The following GRID1 variants were observed in gnomAD, a reference collection of about 807,000 sequenced individuals.
GRID1 encodes glutamate ionotropic receptor delta type subunit 1.
Under a neutral mutation model 98.0 loss-of-function variants are expected in GRID1, and 28 were observed. The observed-to-expected ratio is 0.29, with a 90% CI of 0.21 to 0.39. GRID1 has a LOEUF of 0.39. Among genes scored for constraint, GRID1 ranks in the 10% least tolerant of loss-of-function variants. The pLI, the probability that GRID1 is intolerant of heterozygous loss-of-function variation, is 1.00. For missense variants in GRID1, 1,111 were observed against 1,340.5 expected, an observed-to-expected ratio of 0.83 and a Z score of 2.67; for synonymous variants, 553 against 538.5, an observed-to-expected ratio of 1.03 and a Z score of -0.37.
chr10:85,728,209 T>C (rs948156102), intron 9 of GRID1, among the ~76,000 whole-genome samples, 157 bp from the exon 10 acceptor site: 1 of 152,220 alleles, frequency 6.6e-6, no homozygotes, highest in African/African-American at 2.4e-5. Context: ...AAAAGCAGTT[T>C]ATGGACACTC....
chr10:85,693,197 TA>T (rs1841353073), intron 12 of GRID1, among the ~76,000 whole-genome samples: 1 of 152,106 alleles, frequency 6.6e-6, no homozygotes, highest in Admixed American at 6.6e-5. Flanking sequence ...TTGAGAGATT[TA>T]GGGGGTAGAA....
rs754536658 is a variant in GRID1, at chr10:85,916,907, A to G, written c.727-668T>C. On this transcript the variant is annotated intron_variant, in intron 4 of 15. Coordinates refer to ENST00000327946, the MANE Select transcript of GRID1 (RefSeq NM_017551.3). The surrounding 1 kb of genome is among the most constrained non-coding windows in gnomAD (Gnocchi z 4.0). ...TCTGCTAGAATATTTCTTATTGTCT[A>G]TCTCCTCTGCCATTATGTCAAAGGC... Among the ~76,000 whole-genome samples the G allele has an allele frequency of 1.3e-5, 2 of 152,056 alleles. No individual in the cohort carries two copies. Among genetic ancestry groups the G allele is most frequent in the African/African-American group, 2.4e-5 (1 of 41,380 alleles).
chr10:85,771,622 A>G (rs1230309713), intron 8 of GRID1, among the ~76,000 whole-genome samples: 3 of 152,232 alleles, frequency 2.0e-5, no homozygotes, highest in Admixed American at 6.5e-5. Context: ...AAAAGGATAG[A>G]GGAAGATCTA....
At chr10:85,797,900 G>C (rs1004821870) in intron 8 of GRID1, among the ~76,000 whole-genome samples, 3 of 152,182 alleles carry the variant, frequency 2.0e-5, no homozygotes, top group Non-Finnish European at 4.4e-5. Context: ...TGTTGCAAAT[G>C]ACATGATTTC....
chr10:86,104,886 G>A (rs1025696489), intron 4 of GRID1, among the ~76,000 whole-genome samples: 1 of 152,214 alleles, frequency 6.6e-6, no homozygotes, highest in African/African-American at 2.4e-5. Context: ...CAGCGGACAG[G>A]GGGGCAAAAG....
chr10:85,614,095 C>T (rs1257052707), intron 14 of GRID1, among the ~76,000 whole-genome samples: 1 of 152,212 alleles, frequency 6.6e-6, no homozygotes, highest in Non-Finnish European at 1.5e-5. Context: ...CTGGGATTCA[C>T]CAAATTATTC....
chr10:86,239,831 A>G (rs1376331886), intron 2 of GRID1, among the ~76,000 whole-genome samples: 1 of 152,192 alleles, frequency 6.6e-6, no homozygotes, highest in African/African-American at 2.4e-5. Flanking sequence ...TTCTTTATAA[A>G]TTACCCAGTT....
chr10:86,065,207 C>A (rs910792089), intron 4 of GRID1, among the ~76,000 whole-genome samples: 1 of 152,232 alleles, frequency 6.6e-6, no homozygotes, highest in South Asian at 2.1e-4. Flanking sequence ...GGACCAGCAG[C>A]GTCAGCATCA....
chr10:86,177,316 G>A (rs367971961), intron 3 of GRID1, among the ~76,000 whole-genome samples: 48 of 152,252 alleles, frequency 3.2e-4, no homozygotes, highest in East Asian at 2.1e-3. Flanking sequence ...GAGCCACCCC[G>A]TGGGAAAACC....
At chr10:86,289,192 A>T (rs1847476932) in intron 2 of GRID1, among the ~76,000 whole-genome samples, 1 of 152,148 alleles carries the variant, frequency 6.6e-6, no homozygotes, top group South Asian at 2.1e-4. Flanking sequence ...TCAACTCTCA[A>T]ACTGTCTAAT....
At chr10:86,100,824 C>A (rs77325669) in intron 4 of GRID1, among the ~76,000 whole-genome samples, 6,934 of 152,276 alleles carry the variant, frequency 0.046, 189 homozygotes, top group Non-Finnish European at 0.058. Context: ...AGCTGCTGCT[C>A]TTCCAATCTT....
chr10:85,855,667 G>A (rs964893011), intron 7 of GRID1, among the ~76,000 whole-genome samples: 11 of 152,158 alleles, frequency 7.2e-5, no homozygotes, highest in African/African-American at 2.2e-4. Flanking sequence ...CATCACAAGC[G>A]CACATACAGG....
At chr10:85,792,003 G>A (rs1364957507) in intron 8 of GRID1, among the ~76,000 whole-genome samples, 1 of 152,144 alleles carries the variant, frequency 6.6e-6, no homozygotes, top group South Asian at 2.1e-4. Context: ...AGGCCAGGGA[G>A]CCAGTCCAAA....
intron 12 of GRID1, among the ~76,000 whole-genome samples, chr10:85,715,799 C>T (rs569045982): frequency 6.6e-6 from 1 of 152,256 alleles, no homozygotes; most frequent in African/African-American, 2.4e-5. Context: ...GATCCTACTT[C>T]TTAATACAGA....
intron 2 of GRID1, among the ~76,000 whole-genome samples, chr10:86,302,155 G>T (rs556072466): frequency 1.3e-5 from 2 of 152,342 alleles, no homozygotes; most frequent in East Asian, 3.9e-4. Flanking sequence ...TCACAGCCAG[G>T]TGAGGTCTCT....
chr10:86,214,682 G>A (rs1198619107), intron 2 of GRID1, among the ~76,000 whole-genome samples: 1 of 152,082 alleles, frequency 6.6e-6, no homozygotes, highest in African/African-American at 2.4e-5. Context: ...GGGCAACATG[G>A]TGAAATCCTG....
intron 4 of GRID1, among the ~76,000 whole-genome samples, chr10:86,093,161 A>G (rs1158047975): frequency 2.0e-5 from 3 of 152,240 alleles, no homozygotes; most frequent in Admixed American, 1.3e-4. Context: ...CAACATGGAA[A>G]TTAAAAAATT....
chr10:85,856,716 A>G (rs1263445051), intron 6 of GRID1, among the ~76,000 whole-genome samples: 1 of 152,268 alleles, frequency 6.6e-6, no homozygotes, highest in Non-Finnish European at 1.5e-5. Flanking sequence ...GAAAGCAGCC[A>G]TAGACAATAT....
chr10:85,811,031 C>G (rs1842666637), intron 8 of GRID1, among the ~76,000 whole-genome samples: 1 of 152,154 alleles, frequency 6.6e-6, no homozygotes. Flanking sequence ...CATGCATACA[C>G]CCTAGCCTGA....
Sources: gnomAD v4.1 joint callset for allele counts (sites outside exome capture counted in the v4.1 genomes callset) on GRCh38, gnomAD v4.1.1 for gene constraint, Gnocchi (gnomAD v3.1) non-coding constraint, MANE v1.5 for transcripts, NCBI Gene and HGNC (gene_info 2026-07-23, HGNC 2026-07-21) for gene names.